FRA10AC1: variants seen among roughly 807,000 people sequenced by gnomAD.
The protein encoded by FRA10AC1 is FRA10A associated CGG repeat 1.
FRA10AC1 carries 43 observed loss-of-function variants against 56.5 expected under a neutral mutation model. The ratio of observed to expected loss-of-function variants is 0.76; its 90% confidence interval spans 0.60 to 0.98. FRA10AC1 has a LOEUF of 0.98. Ranked by LOEUF, FRA10AC1 falls within the 50% of genes least tolerant of loss-of-function variation. The probability of loss-of-function intolerance (pLI) is 0.00; values close to 1 mark genes in which losing one functional copy is unlikely to be tolerated. For missense variants in FRA10AC1, 346 were observed against 351.8 expected (o/e 0.98, Z 0.13); for synonymous variants, 112 against 110.5 (o/e 1.01, Z -0.09).
intron 2 of FRA10AC1, among the ~76,000 whole-genome samples, 192 bp from the exon 3 acceptor site, chr10:93,698,588 T>C (rs1466869212): frequency 6.6e-6 from 1 of 152,170 alleles, no homozygotes; most frequent in East Asian, 1.9e-4. Flanking sequence ...TTAATACCTA[T>C]AACACGGGGA....
At chr10:93,691,180 A>T (rs1276142544) in intron 7 of FRA10AC1, among the ~76,000 whole-genome samples, 1 of 152,154 alleles carries the variant, frequency 6.6e-6, no homozygotes, top group African/African-American at 2.4e-5. Context: ...AGATAGAAAT[A>T]AAAGTAACTT....
At chr10:93,684,509 T>G (rs1006894334) in intron 9 of FRA10AC1, among the ~76,000 whole-genome samples, 6 of 151,878 alleles carry the variant, frequency 4.0e-5, no homozygotes, top group African/African-American at 1.2e-4. Context: ...TTTTTTTTTT[T>G]TTTTTGCCTT....
rs10748610 is a variant in FRA10AC1 at position 93,702,478 on chromosome 10, C to T, written c.-104G>A. 1 of 201,636 alleles carries T rather than the reference C, an allele frequency of 5.0e-6. No individual in the cohort carries two copies. The allele number at this position is 201,636 out of a possible 1,614,324, so 12.5% of individuals were successfully genotyped here. A position where few individuals can be genotyped will look rare whatever the true frequency, so the allele number is the denominator to read the frequency against. On this transcript the variant is annotated 5_prime_UTR_variant, in exon 1 of 14. Coordinates refer to ENST00000359204, the MANE Select transcript of FRA10AC1 (RefSeq NM_145246.5). Reference sequence around the variant, plus strand: ...CCACGGCCTGAGAGAGCCGCTGCAGCACAGGTCCCGTGCGCCCTGCCGCAC... The same window carrying T: ...CCACGGCCTGAGAGAGCCGCTGCAGTACAGGTCCCGTGCGCCCTGCCGCAC...
At chr10:93,699,138 C>T (rs1189419770) in intron 2 of FRA10AC1, among the ~76,000 whole-genome samples, 4 of 152,104 alleles carry the variant, frequency 2.6e-5, no homozygotes, top group African/African-American at 4.8e-5. Context: ...AATCCTGGAG[C>T]AGAGTATCCA....
chr10:93,692,633 G>A lies in FRA10AC1; in HGVS notation c.380+13C>T, dbSNP rs1439380098. On this transcript the variant is annotated intron_variant, in intron 6 of 13. Coordinates refer to ENST00000359204, the MANE Select transcript of FRA10AC1 (RefSeq NM_145246.5). ...AAAGCATTTGATGCATTACGCCTCT[G>A]ATGGCTAATTACCAAGTCATGTCCA... The A allele has an allele frequency of 1.9e-6, 3 of 1,548,164 alleles. No homozygotes were observed. The highest frequency in any genetic ancestry group is 1.8e-5 in the Admixed American group (1 of 54,576).
chr10:93,687,605 T>G, intron 7 of FRA10AC1, 156 bp from the exon 8 acceptor site: 1 of 688,842 alleles, frequency 1.5e-6, no homozygotes, highest in South Asian at 2.3e-5. Context: ...GAAAATACAT[T>G]GAACAATCAC....
intron 11 of FRA10AC1, 88 bp downstream of exon 11, chr10:93,681,392 G>T: frequency 2.4e-6 from 2 of 827,342 alleles, no homozygotes; most frequent in Admixed American, 2.9e-5. Flanking sequence ...AATTCTCAAT[G>T]CATTCACCAA....
intron 11 of FRA10AC1, among the ~76,000 whole-genome samples, chr10:93,678,546 G>A (rs1302730243): frequency 3.3e-5 from 5 of 152,152 alleles, no homozygotes; most frequent in African/African-American, 1.2e-4. Context: ...AAGCAGCTAA[G>A]GAGGTCGGGT....
At chr10:93,670,733 G>T in intron 13 of FRA10AC1, 37 bp downstream of exon 13, 2 of 1,317,610 alleles carry the variant, frequency 1.5e-6, no homozygotes, top group Non-Finnish European at 2.2e-6. Context: ...TAAACTGATT[G>T]AAAAGGTACA....
At chr10:93,690,081 C>CTA (rs1049498963) in intron 7 of FRA10AC1, among the ~76,000 whole-genome samples, 4 of 152,006 alleles carry the variant, frequency 2.6e-5, no homozygotes, top group African/African-American at 4.8e-5. Context: ...AAAGTATCTA[C>CTA]TATATATATT....
chr10:93,689,891 G>A (rs1313275325), intron 7 of FRA10AC1, among the ~76,000 whole-genome samples: 1 of 152,090 alleles, frequency 6.6e-6, no homozygotes. Context: ...GAACTTTTAT[G>A]TATAAGAAAA....
At chr10:93,677,131 A>C (rs912532674) in intron 11 of FRA10AC1, among the ~76,000 whole-genome samples, 2 of 152,204 alleles carry the variant, frequency 1.3e-5, no homozygotes, top group African/African-American at 4.8e-5. Context: ...GAAACTGATA[A>C]GAACACAACA....
At chr10:93,677,096 A>G (rs1162713738) in intron 11 of FRA10AC1, among the ~76,000 whole-genome samples, 3 of 152,216 alleles carry the variant, frequency 2.0e-5, no homozygotes, top group African/African-American at 7.2e-5. Flanking sequence ...CTAAAGTCAT[A>G]TATGCAGGTA....
chr10:93,669,189 A>G lies in FRA10AC1; in HGVS notation c.*637T>C, dbSNP rs2058723458. 2 of 152,290 alleles carry G rather than the reference A, an allele frequency of 1.3e-5. No individual in the cohort carries two copies. The highest frequency in any genetic ancestry group is 4.8e-5 in the African/African-American group (2 of 41,452). The allele number at this position is 152,290 out of a possible 1,614,324, so 9.4% of individuals were successfully genotyped here. ...GCAGCTGGAAATAGGTGGTAATGGGAGAGCAGGTACTTAAAAGAAGGGTGC... is the reference window on the plus strand; with the variant it reads ...GCAGCTGGAAATAGGTGGTAATGGGGGAGCAGGTACTTAAAAGAAGGGTGC... On this transcript the variant is annotated 3_prime_UTR_variant, in exon 14 of 14. Coordinates refer to ENST00000359204, the MANE Select transcript of FRA10AC1 (RefSeq NM_145246.5).
chr10:93,688,612 A>G (rs1345298944), intron 7 of FRA10AC1, among the ~76,000 whole-genome samples: 2 of 152,152 alleles, frequency 1.3e-5, no homozygotes, highest in African/African-American at 4.8e-5. Flanking sequence ...AGCAGGGGGT[A>G]TATGGGAATT....
chr10:93,693,996 G>A (rs1350018368), intron 5 of FRA10AC1, among the ~76,000 whole-genome samples: 1 of 151,798 alleles, frequency 6.6e-6, no homozygotes, highest in Non-Finnish European at 1.5e-5. Flanking sequence ...CTTGGGTGAT[G>A]GGTGCACTAA....
chr10:93,698,216 T>C, intron 3 of FRA10AC1, 35 bp from the exon 4 acceptor site: 1 of 1,522,124 alleles, frequency 6.6e-7, no homozygotes, highest in Non-Finnish European at 9.0e-7. Flanking sequence ...AAATTCAAAA[T>C]GTTTATATTC....
intron 11 of FRA10AC1, among the ~76,000 whole-genome samples, chr10:93,676,979 C>A (rs1212734717): frequency 6.6e-6 from 1 of 151,930 alleles, no homozygotes; most frequent in African/African-American, 2.4e-5. Context: ...AAAAAGAAAA[C>A]CTCACAGATA....
chr10:93,687,694 C>A, intron 7 of FRA10AC1: 1 of 313,818 alleles, frequency 3.2e-6, no homozygotes, highest in South Asian at 5.9e-5. Flanking sequence ...CCTAAGTTAA[C>A]AAATAATATA....
Sources: gnomAD v4.1 joint callset for allele counts (sites outside exome capture counted in the v4.1 genomes callset) on GRCh38, gnomAD v4.1.1 for gene constraint, MANE v1.5 for transcripts, NCBI Gene and HGNC (gene_info 2026-07-23, HGNC 2026-07-21) for gene names.